The following COL18A1 variants were observed in gnomAD, a reference collection of about 807,000 sequenced individuals.
COL18A1 encodes the protein collagen alpha-1(XVIII) chain.
COL18A1 carries 133 observed loss-of-function variants against 168.0 expected under a neutral mutation model. That is an observed-to-expected ratio of 0.79 (90% CI 0.69 to 0.91). The LOEUF is 0.91. Among genes scored for constraint, COL18A1 ranks in the 40% least tolerant of loss-of-function variants. The probability of loss-of-function intolerance (pLI) is 0.00; values close to 1 mark genes in which losing one functional copy is unlikely to be tolerated. For missense variants in COL18A1, 2,126 were observed against 1,925.4 expected, an observed-to-expected ratio of 1.10 and a Z score of -1.95; for synonymous variants, 949 against 809.0, an observed-to-expected ratio of 1.17 and a Z score of -2.94.
In COL18A1 at chr21:45,425,495, C is replaced by T. The variant is rs967748455; in HGVS notation, c.106+20022C>T. Among the ~76,000 whole-genome samples, 5 of 152,200 alleles carry T rather than the reference C, an allele frequency of 3.3e-5. No homozygotes were observed. Among genetic ancestry groups the T allele is most frequent in the East Asian group, 1.9e-4 (1 of 5,200 alleles). On this transcript the variant is annotated intron_variant, in intron 2 of 41. Coordinates refer to ENST00000651438, the MANE Select transcript of COL18A1 (RefSeq NM_001379500.1). The surrounding 1 kb of genome is among the most constrained non-coding windows in gnomAD (Gnocchi z 4.1). Reference sequence around the variant, plus strand: ...GGCCCAAGGCCTCTGAAAACCGTCACGGCAGGGGTCACAACCCCACTCACC... The same window carrying T: ...GGCCCAAGGCCTCTGAAAACCGTCATGGCAGGGGTCACAACCCCACTCACC...
At chr21:45,468,082 G>A (rs573998234) in intron 2 of COL18A1, among the ~76,000 whole-genome samples, 160 bp from the exon 3 acceptor site, 2 of 152,336 alleles carry the variant, frequency 1.3e-5, no homozygotes, top group South Asian at 4.1e-4. Flanking sequence ...CCGTTGGGTG[G>A]CTGAGCCCAG....
intron 18 of COL18A1, among the ~76,000 whole-genome samples, chr21:45,488,689 A>T (rs913042506): frequency 1.3e-5 from 2 of 152,238 alleles, no homozygotes; most frequent in Middle Eastern, 6.8e-3. Context: ...CCCAGGAATC[A>T]AGATTCCTGG....
At position 45,463,733 on chromosome 21, in the gene COL18A1, A is replaced by C. The variant is rs1265095372; in HGVS notation, c.107-4509A>C. 1.3e-5 allele frequency among the ~76,000 whole-genome samples: 2 copies of C among 152,100 alleles called. No individual in the cohort carries two copies. Among genetic ancestry groups the C allele is most frequent in the African/African-American group, 2.4e-5 (1 of 41,412 alleles). On this transcript the variant is annotated intron_variant, in intron 2 of 41. Transcript: ENST00000651438. This position sits in a 1 kb window ranked among gnomAD's most constrained non-coding sequence, Gnocchi z 4.0. ...ACCAACACGGAGAAACCCCATCTCT[A>C]CTAACAATACAAAATTAGCTGGGTA...
At position 45,491,293 on chromosome 21, in the gene COL18A1, G is replaced by A. The variant is rs374390595; in HGVS notation, c.2136G>A (p.Val712=). The part of the protein sequence containing the change: ...LPGPPGPPGP[V]VYVSEQDGSV... ...GCCCCCCCGGACCCCCGGGACCTGT[G>A]GTCTACGTGTCGGAGCAGGACGTAA... Residue 712 remains valine (V), a synonymous_variant, in exon 22 of 42, where the codon GTG becomes GTA. Transcript: ENST00000651438. The A allele has an allele frequency of 5.0e-6, 8 of 1,611,926 alleles. No individual in the cohort carries two copies. The highest frequency in any genetic ancestry group is 6.8e-6 in the Non-Finnish European group (8 of 1,179,540).
chr21:45,495,860 T>A (rs1461619906), intron 29 of COL18A1: 21 of 319,830 alleles, frequency 6.6e-5, no homozygotes, highest in Admixed American at 4.2e-5. Flanking sequence ...CTCATACATG[T>A]GCACGTATCC....
chr21:45,493,052 G>GC (rs1405141076), intron 24 of COL18A1, 111 bp from the exon 25 acceptor site: 2 of 1,141,416 alleles, frequency 1.8e-6, no homozygotes, highest in East Asian at 5.1e-5. Context: ...CCCTGGTCGG[G>GC]CTGTCGAGGC....
chr21:45,476,754 AGTGTGTGGT>A (rs1568902820), intron 6 of COL18A1, among the ~76,000 whole-genome samples: 1 of 137,246 alleles, frequency 7.3e-6, no homozygotes, highest in African/African-American at 2.8e-5. Flanking sequence ...GTGTGTGTGC[AGTGTGTGGT>A]GTGTGTATTG....
chr21:45,438,783 T>C (rs2034290505), intron 2 of COL18A1, among the ~76,000 whole-genome samples: 1 of 152,168 alleles, frequency 6.6e-6, no homozygotes, highest in Admixed American at 6.5e-5. Flanking sequence ...GCAGGCAGAG[T>C]GGCTTATTAG....
rs77974343 is a variant in COL18A1 at position 45,496,290 on chromosome 21, C to T, written c.2509-210C>T. ...ACTCCTCCCGAGGGACGTCTGTGCA[C>T]GACTCCAGCGTGGGATGAGGTGGGG... is the stretch of plus-strand genomic sequence containing the variant. On this transcript the variant is annotated intron_variant, in intron 29 of 41. Transcript: ENST00000651438. The T allele has an allele frequency of 1.6e-3, 1,136 of 711,890 alleles. 10 individuals are homozygous for T. In the African/African-American group the frequency reaches 0.018, roughly 11 times the overall value. The allele number at this position is 711,890 out of a possible 1,614,324, so 44.1% of individuals were successfully genotyped here.
chr21:45,448,391 A>G (rs1196812690), intron 2 of COL18A1, among the ~76,000 whole-genome samples: 1 of 152,220 alleles, frequency 6.6e-6, no homozygotes, highest in Non-Finnish European at 1.5e-5. Flanking sequence ...TCCGTGATGC[A>G]TATCCATGTG....
At position 45,480,812 on chromosome 21, in the gene COL18A1, C is replaced by G; in HGVS notation, c.1565C>G (p.Pro522Arg). 3 of 1,612,040 alleles carry G rather than the reference C, an allele frequency of 1.9e-6. No homozygotes were observed. Among genetic ancestry groups the G allele is most frequent in the Non-Finnish European group, 2.5e-6 (3 of 1,179,748 alleles). ...SSDVPGPAGL[P>R]GVPGREGPPG... Reference sequence around the variant, plus strand: ...GACGTCCCAGGACCCGCCGGCCTTCCTGGTGTGCCTGGGCGCGAGGGTCCC... The same window carrying G: ...GACGTCCCAGGACCCGCCGGCCTTCGTGGTGTGCCTGGGCGCGAGGGTCCC... Residue 522 changes from proline to arginine, a missense_variant, in exon 13 of 42, where the codon CCT becomes CGT. Coordinates refer to ENST00000651438, the MANE Select transcript of COL18A1 (RefSeq NM_001379500.1).
chr21:45,495,365 C>A lies in COL18A1; in HGVS notation c.2441C>A (p.Pro814His). The change falls in exon 29 of 42, where the codon CCC becomes CAC. Residue 814 changes from proline (P) to histidine (H), a missense_variant. By Grantham distance (77) the Pro-to-His change is moderately conservative. Coordinates refer to ENST00000651438, the MANE Select transcript of COL18A1 (RefSeq NM_001379500.1). ...CCCTGTGCTCCGCCCCAGGGTCGCC[C>A]CGGGATGAACGGATTGAAAGGAGAG... ...EIGFPGRPGR[P>H]GMNGLKGEKG... 1 of 1,609,764 alleles carries A rather than the reference C, an allele frequency of 6.2e-7. No individual in the cohort carries two copies. Among genetic ancestry groups the A allele is most frequent in the East Asian group, 2.2e-5 (1 of 44,742 alleles).
At chr21:45,492,767 C>T (rs947064465) in intron 24 of COL18A1, 54 bp downstream of exon 24, 13 of 965,826 alleles carry the variant, frequency 1.3e-5, no homozygotes, top group African/African-American at 4.0e-5. Context: ...GGGGTCTCCA[C>T]CTGGTAGCAC....
intron 17 of COL18A1, among the ~76,000 whole-genome samples, chr21:45,488,063 G>A (rs76467631): frequency 0.034 from 5,112 of 152,154 alleles, 215 homozygotes; most frequent in East Asian, 0.094. Context: ...CACCACCAGC[G>A]CTCTCGTGGC....
intron 15 of COL18A1, among the ~76,000 whole-genome samples, chr21:45,485,405 A>C (rs1267335990): frequency 1.3e-5 from 2 of 151,778 alleles, no homozygotes; most frequent in East Asian, 3.9e-4. Flanking sequence ...CTGAGGTGGG[A>C]GGATTATTTG....
At chr21:45,495,706 G>GCA (rs1380905622) in intron 29 of COL18A1, 69 of 416,104 alleles carry the variant, frequency 1.7e-4, no homozygotes, top group South Asian at 1.1e-3. Flanking sequence ...CCATACACAC[G>GCA]CGCACACATA....
At chr21:45,490,752 C>T in intron 20 of COL18A1, 84 bp from the exon 21 acceptor site, 1 of 1,409,746 alleles carries the variant, frequency 7.1e-7, no homozygotes, top group Non-Finnish European at 9.8e-7. Context: ...AAGAACCCCA[C>T]ATCTTCATCA....
At chr21:45,450,402 C>A (rs980678742) in intron 2 of COL18A1, among the ~76,000 whole-genome samples, 2 of 152,160 alleles carry the variant, frequency 1.3e-5, no homozygotes, top group African/African-American at 4.8e-5. Flanking sequence ...GGGCTGAGGC[C>A]TAGGGTGGCC....
In COL18A1 at chr21:45,456,089, A is replaced by G. The variant is rs1314864524; in HGVS notation, c.107-12153A>G. ...GGGCGCCCACACAACCGAGGCTGGC[A>G]CCTTGCCTGCACCCACCCCATCGCC... is the stretch of plus-strand genomic sequence containing the variant. On this transcript the variant is annotated intron_variant, in intron 2 of 41. Transcript: ENST00000651438. 2.5e-6 allele frequency: 4 copies of G among 1,599,524 alleles called. No homozygotes were observed. In the Admixed American group the frequency reaches 6.7e-5, roughly 27 times the overall value.
Sources: allele counts gnomAD v4.1 joint callset (sites outside exome capture counted in the v4.1 genomes callset), GRCh38; gene constraint gnomAD v4.1.1; non-coding constraint Gnocchi (gnomAD v3.1); transcripts MANE v1.5; gene names NCBI Gene and HGNC (gene_info 2026-07-23, HGNC 2026-07-21).